The following CFAP61 variants were observed in gnomAD, a reference collection of about 807,000 sequenced individuals.
CFAP61 encodes the protein cilia and flagella associated protein 61.
In CFAP61, 107 loss-of-function variants were observed where a neutral mutation model predicts 135.6. That is an observed-to-expected ratio of 0.79 (90% confidence interval 0.67 to 0.93). The LOEUF (loss-of-function observed/expected upper bound fraction) is 0.93, where lower values mean the gene tolerates loss of function less well. Ranked by LOEUF, CFAP61 falls within the 40% of genes least tolerant of loss-of-function variation. CFAP61 has a pLI of 0.00. For missense variants in CFAP61, 1,507 were observed against 1,556.2 expected, an observed-to-expected ratio of 0.97 and a Z score of 0.53; for synonymous variants, 575 against 578.5, an observed-to-expected ratio of 0.99 and a Z score of 0.09.
In CFAP61 at chr20:20,098,714, G is replaced by GC; in HGVS notation, c.760dup (p.His254ProfsTer2). The GC allele has an allele frequency of 6.2e-7, 1 of 1,613,832 alleles. No individual in the cohort carries two copies. On this transcript the variant is annotated frameshift_variant, in exon 8 of 27. Transcript: ENST00000245957. LOFTEE classifies it high-confidence loss of function. ...GCTCAAGAGTGAACATGCAACTGCT[G>GC]CATGAGTGCTTTGACTTGGGCCCTT... is the stretch of plus-strand genomic sequence containing the variant.
At chr20:20,340,953 TG>T (rs1449881020) in intron 25 of CFAP61, among the ~76,000 whole-genome samples, 1 of 152,150 alleles carries the variant, frequency 6.6e-6, no homozygotes, top group Non-Finnish European at 1.5e-5. Context: ...CCGTGGCCCC[TG>T]GGACACTTTA....
rs1240385387 is a variant in CFAP61 at position 20,309,475 on chromosome 20, G to A, written c.3422+11089G>A. On this transcript the variant is annotated intron_variant, in intron 25 of 26. Transcript: ENST00000245957. The stretch of plus-strand genomic sequence containing the variant: ...CCAGGCAGACCCTAACTGCAGCCCC[G>A]CACACCTGTCTCGTACAGGTGAGGC... Among the ~76,000 whole-genome samples the A allele has an allele frequency of 2.6e-5, 4 of 152,268 alleles. No individual in the cohort carries two copies. The East Asian group carries it at 7.7e-4, about 29-fold the overall frequency.
In CFAP61 at chr20:20,288,886, C is replaced by T; in HGVS notation, c.3074C>T (p.Pro1025Leu). The change falls in exon 23 of 27, where the codon CCA becomes CTA. Residue 1025 changes from proline (P) to leucine (L), a missense_variant. Pro to Leu is a moderately conservative substitution (Grantham distance 98). Transcript: ENST00000245957. Reference protein sequence around the residue: ...DPTLEPVTEPPANLDRLIPMY... With the variant: ...DPTLEPVTEPLANLDRLIPMY... ...ACCCTTGAGCCTGTGACCGAGCCAC[C>T]AGCTAATCTTGACCGGCTCATCCCC... The T allele has an allele frequency of 6.2e-7, 1 of 1,613,280 alleles. No homozygotes were observed. The highest frequency in any genetic ancestry group is 1.3e-5 in the African/African-American group (1 of 75,022).
At chr20:20,118,521 A>G (rs2049357996) in intron 8 of CFAP61, among the ~76,000 whole-genome samples, 1 of 151,390 alleles carries the variant, frequency 6.6e-6, no homozygotes, top group African/African-American at 2.4e-5. Context: ...TTGTATTTTT[A>G]GTAGAGATGG....
Position 20,251,746 on chromosome 20 carries a change from A to G in CFAP61, c.2311A>G (p.Thr771Ala). ...GCCCTACGACCACCTCATCCTCTGC[A>G]CCGGGCAGCAGTACCAGGTAAGGCC... The part of the protein sequence containing the change: ...IVPYDHLILC[T>A]GQQYQVPCPT... The change falls in exon 20 of 27, where the codon ACC (threonine) becomes GCC (alanine). Residue 771 changes from threonine to alanine, a missense_variant. By Grantham distance (58) the Thr-to-Ala change is moderately conservative. Coordinates refer to ENST00000245957, the MANE Select transcript of CFAP61 (RefSeq NM_015585.4). 1 of 1,613,712 alleles carries G rather than the reference A, an allele frequency of 6.2e-7. No homozygotes were observed. The highest frequency in any genetic ancestry group is 8.5e-7 in the Non-Finnish European group (1 of 1,180,024).
rs530186293 is a variant in CFAP61, at chr20:20,359,680, A to AAACAAC, written c.3514-518_3514-513dup. The stretch of plus-strand genomic sequence containing the variant: ...ATTCCGTCTCAAAAAGCAAAAAACA[A>AAACAAC]AACAACAACAACAACAAAACAAGTA... On this transcript the variant is annotated intron_variant, in intron 26 of 26. Transcript: ENST00000245957. The surrounding 1 kb of genome is among the most constrained non-coding windows in gnomAD (Gnocchi z 4.0). Among the ~76,000 whole-genome samples the AAACAAC allele has an allele frequency of 0.3, 12,019 of 39,986 alleles. 637 individuals carry two copies. The highest frequency in any genetic ancestry group is 0.57 in the East Asian group (1,424 of 2,486). 26.2% of individuals were successfully genotyped at this position (39,986 alleles called of 152,430 possible).
intron 8 of CFAP61, among the ~76,000 whole-genome samples, chr20:20,111,673 A>T (rs2146670552): frequency 6.6e-6 from 1 of 152,260 alleles, no homozygotes. Flanking sequence ...GAGTTTTGGA[A>T]CTCTGGAGGG....
chr20:20,340,255 A>G (rs966361468), intron 25 of CFAP61, among the ~76,000 whole-genome samples: 5 of 152,262 alleles, frequency 3.3e-5, no homozygotes, highest in East Asian at 3.9e-4. Context: ...AAACCTGGAC[A>G]CTAGGATTTT....
rs895770418 is a variant in CFAP61, at chr20:20,137,052, C to T, written c.860-5805C>T. On this transcript the variant is annotated intron_variant, in intron 8 of 26. Transcript: ENST00000245957. Reference sequence around the variant, plus strand: ...GTCTTGGATAAGATCCAGAAGAATACTCTGGATTACCAGGCAGAGACTCTT... The same window carrying T: ...GTCTTGGATAAGATCCAGAAGAATATTCTGGATTACCAGGCAGAGACTCTT... Among the ~76,000 whole-genome samples the T allele has an allele frequency of 2.6e-5, 4 of 152,198 alleles. No homozygotes were observed. In the East Asian group the frequency reaches 7.7e-4, roughly 29 times the overall value.
intron 7 of CFAP61, among the ~76,000 whole-genome samples, chr20:20,097,482 G>T (rs1372147383): frequency 3.3e-5 from 5 of 152,130 alleles, no homozygotes; most frequent in African/African-American, 1.2e-4. Context: ...TTACTTAAGG[G>T]ATATATTAAG....
intron 24 of CFAP61, 150 bp downstream of exon 24, chr20:20,290,541 G>A (rs1270070273): frequency 4.7e-6 from 3 of 637,504 alleles, no homozygotes; most frequent in Non-Finnish European, 8.4e-6. Context: ...ATGGCCCTTA[G>A]TGACTCTCGC....
In CFAP61 at chr20:20,127,981, C is replaced by A. The variant is rs1046682691; in HGVS notation, c.860-14876C>A. On this transcript the variant is annotated intron_variant, in intron 8 of 26. Transcript: ENST00000245957. Reference sequence around the variant, plus strand: ...TGTCAGGGAAGTTGGGGAAAGCTGGCAGTCACAGGCCTCACCCAGCTCCCA... The same window carrying A: ...TGTCAGGGAAGTTGGGGAAAGCTGGAAGTCACAGGCCTCACCCAGCTCCCA... Among the ~76,000 whole-genome samples, 31 of 151,552 alleles carry A rather than the reference C, an allele frequency of 2.0e-4. 1 individual carries two copies. The highest frequency in any genetic ancestry group is 7.6e-4 in the African/African-American group (31 of 40,930).
chr20:20,071,391 T>C (rs566062080), intron 3 of CFAP61, among the ~76,000 whole-genome samples: 15 of 152,196 alleles, frequency 9.9e-5, no homozygotes, highest in Admixed American at 3.3e-4. Flanking sequence ...CAGCAGAGCC[T>C]CAGACTTCTG....
At chr20:20,322,742 G>T in intron 25 of CFAP61, 41 of 985,286 alleles carry the variant, frequency 4.2e-5, no homozygotes, top group Non-Finnish European at 4.9e-5. Context: ...GAGAACAGAA[G>T]AGATCATTAG....
At chr20:20,072,003 A>G (rs1406299247) in intron 3 of CFAP61, among the ~76,000 whole-genome samples, 1 of 151,294 alleles carries the variant, frequency 6.6e-6, no homozygotes, top group Non-Finnish European at 1.5e-5. Context: ...TTAGGATGTA[A>G]AGAATTCCTG....
intron 8 of CFAP61, 53 bp downstream of exon 8, chr20:20,098,867 A>G: frequency 6.7e-7 from 1 of 1,497,890 alleles, no homozygotes; most frequent in Non-Finnish European, 9.1e-7. Context: ...TGCTTTATAC[A>G]CATTGCGCTC....
At chr20:20,294,069 A>G (rs111821060) in intron 24 of CFAP61, among the ~76,000 whole-genome samples, 120 of 152,390 alleles carry the variant, frequency 7.9e-4, no homozygotes, top group African/African-American at 2.8e-3. Context: ...CTTAAATTTA[A>G]TATCCAAATT....
chr20:20,097,670 T>C (rs1448984594), intron 7 of CFAP61, among the ~76,000 whole-genome samples: 3 of 152,218 alleles, frequency 2.0e-5, no homozygotes, highest in African/African-American at 4.8e-5. Context: ...TGGGGACGAC[T>C]GCAAGAGCTT....
chr20:20,231,173 A>C (rs554226153), intron 18 of CFAP61, among the ~76,000 whole-genome samples: 8 of 152,290 alleles, frequency 5.3e-5, no homozygotes, highest in African/African-American at 1.9e-4. Flanking sequence ...CCTAGGATGT[A>C]AGCTCCATGT....
Sources: gnomAD v4.1 joint callset for allele counts (sites outside exome capture counted in the v4.1 genomes callset) on GRCh38, gnomAD v4.1.1 for gene constraint, Gnocchi (gnomAD v3.1) non-coding constraint, MANE v1.5 for transcripts, NCBI Gene and HGNC (gene_info 2026-07-23, HGNC 2026-07-21) for gene names.